Variants in SYT14 observed in about 807,000 individuals in gnomAD.
SYT14 encodes synaptotagmin-14.
SYT14 carries 32 observed loss-of-function variants against 74.2 expected under a neutral mutation model. The ratio of observed to expected loss-of-function variants is 0.43; its 90% CI spans 0.33 to 0.58. The LOEUF (loss-of-function observed/expected upper bound fraction) is 0.58, where lower values mean the gene tolerates loss of function less well. Among genes scored for constraint, SYT14 ranks in the 20% least tolerant of loss-of-function variants. The pLI is 0.05. For synonymous variants in SYT14, 298 were observed against 337.7 expected (o/e 0.88, Z 1.29); for missense variants, 791 against 981.8 (o/e 0.81, Z 2.60).
rs569592021 is a variant in SYT14 at position 210,093,087 on chromosome 1, C to T, written c.1313-1235C>T. The stretch of plus-strand genomic sequence containing the variant: ...ATGACTCTGTGGTTAGACTATTAGA[C>T]TCACTAGGTAAGACATTTAGTTTTT... On this transcript the variant is annotated intron_variant, in intron 5 of 9. Coordinates refer to ENST00000637265, the Ensembl canonical transcript of SYT14. 1.2e-4 allele frequency among the ~76,000 whole-genome samples: 19 copies of T among 152,180 alleles called. No individual in the cohort carries two copies. The South Asian group carries it at 3.9e-3, about 32-fold the overall frequency.
chr1:210,110,295 C>T (rs1300171592), intron 7 of SYT14, among the ~76,000 whole-genome samples: 1 of 152,064 alleles, frequency 6.6e-6, no homozygotes, highest in Non-Finnish European at 1.5e-5. Context: ...AAGATTGAAT[C>T]AAGGACCATT....
At chr1:210,148,440 C>T (rs778192054) in intron 7 of SYT14, among the ~76,000 whole-genome samples, 3 of 150,062 alleles carry the variant, frequency 2.0e-5, no homozygotes, top group Non-Finnish European at 4.4e-5. Flanking sequence ...ACCCGGGAGG[C>T]GGAGCTTGCG....
At chr1:210,015,864 A>G (rs2080172841) in exon 4 of SYT14, 3 of 1,222,262 alleles carry the variant, frequency 2.5e-6, no homozygotes, top group Non-Finnish European at 3.1e-6. Context: ...AGAAAGATTA[A>G]AAGCTACAAT....
intron 7 of SYT14, among the ~76,000 whole-genome samples, chr1:210,149,466 T>A (rs1437766663): frequency 6.6e-6 from 1 of 152,162 alleles, no homozygotes; most frequent in Non-Finnish European, 1.5e-5. Flanking sequence ...ATTACAGGCA[T>A]GAGCCACTGC....
chr1:210,118,444 C>T (rs921235923), intron 7 of SYT14, among the ~76,000 whole-genome samples: 3 of 151,844 alleles, frequency 2.0e-5, no homozygotes, highest in South Asian at 2.1e-4. Context: ...ACAGTGTTCC[C>T]GAGTAAGTTC....
chr1:210,024,414 G>A (rs2080366640), intron 5 of SYT14, among the ~76,000 whole-genome samples: 1 of 152,180 alleles, frequency 6.6e-6, no homozygotes, highest in South Asian at 2.1e-4. Flanking sequence ...GGAACTGAAT[G>A]TGTTTGGAAC....
At chr1:210,026,096 T>G (rs555503387) in intron 5 of SYT14, among the ~76,000 whole-genome samples, 42 of 146,262 alleles carry the variant, frequency 2.9e-4, no homozygotes, top group East Asian at 2.7e-3. Flanking sequence ...ATCTTCTGGG[T>G]TTTTTTTTGG....
rs144389732 is a variant in SYT14, at chr1:210,013,608, C to T, written c.-485-25C>T. The T allele has an allele frequency of 2.2e-5, 35 of 1,605,330 alleles. 1 individual carries two copies. In the African/African-American group the frequency reaches 4.0e-4, roughly 18 times the overall value. ...TAGCTTAAAGAAAAATAAATGCTTA[C>T]AGCTGTGACTTTTTTTTTCTCTAGT... On this transcript the variant is annotated intron_variant, in intron 2 of 9. Transcript: ENST00000637265.
At chr1:210,010,400 T>C (rs187594657) in intron 2 of SYT14, among the ~76,000 whole-genome samples, 6 of 152,256 alleles carry the variant, frequency 3.9e-5, no homozygotes, top group African/African-American at 7.2e-5. Flanking sequence ...TAAATAAATA[T>C]GACTGCCGTG....
intron 5 of SYT14, among the ~76,000 whole-genome samples, chr1:210,081,745 A>G (rs1046500351): frequency 2.6e-5 from 4 of 152,230 alleles, no homozygotes; most frequent in African/African-American, 9.6e-5. Context: ...CCTCATAAGC[A>G]TCATGAACTA....
chr1:210,063,582 A>C (rs940631999), intron 5 of SYT14, among the ~76,000 whole-genome samples: 1 of 151,784 alleles, frequency 6.6e-6, no homozygotes, highest in East Asian at 1.9e-4. Context: ...GATTACTTTT[A>C]ATGCAGATTT....
intron 2 of SYT14, among the ~76,000 whole-genome samples, chr1:209,959,895 T>G (rs549867658): frequency 3.3e-5 from 5 of 152,292 alleles, no homozygotes; most frequent in South Asian, 2.1e-4. Flanking sequence ...ATTATGCACT[T>G]TGGTGAATGT....
intron 5 of SYT14, among the ~76,000 whole-genome samples, chr1:210,075,226 C>T (rs913836630): frequency 3.3e-5 from 5 of 152,156 alleles, no homozygotes; most frequent in Non-Finnish European, 7.4e-5. Flanking sequence ...GCTGGTCTTC[C>T]GCTGGCGTGC....
exon 10 of SYT14, chr1:210,167,565 C>A (rs2083469004): frequency 6.6e-6 from 1 of 152,070 alleles, no homozygotes; most frequent in Non-Finnish European, 1.5e-5. Context: ...TTGAAGTTTT[C>A]TTTTCCCCCA....
At chr1:209,970,431 T>C (rs927820250) in intron 2 of SYT14, among the ~76,000 whole-genome samples, 2 of 152,124 alleles carry the variant, frequency 1.3e-5, no homozygotes, top group African/African-American at 4.8e-5. Context: ...TGTCTGTTTT[T>C]GTATCAGTAC....
At chr1:210,106,556 A>T (rs573433140) in intron 7 of SYT14, among the ~76,000 whole-genome samples, 8 of 152,164 alleles carry the variant, frequency 5.3e-5, no homozygotes, top group African/African-American at 1.7e-4. Context: ...CCTTCTCCAC[A>T]TGGCGGCAAC....
At chr1:210,031,452 C>T (rs1281249421) in intron 5 of SYT14, among the ~76,000 whole-genome samples, 1 of 152,060 alleles carries the variant, frequency 6.6e-6, no homozygotes, top group Non-Finnish European at 1.5e-5. Context: ...GAAATATTCA[C>T]TCTACTTCTC....
At chr1:210,168,064 C>CAGT (rs1315070437) in exon 10 of SYT14, 6 of 152,964 alleles carry the variant, frequency 3.9e-5, no homozygotes, top group East Asian at 1.9e-4. Flanking sequence ...GTTGCTGTTT[C>CAGT]GGTGGTGGTG....
At position 210,122,248 on chromosome 1, in the gene SYT14, G is replaced by A. The variant is rs2082482903; in HGVS notation, c.2034+21787G>A. Among the ~76,000 whole-genome samples, 3 of 18,768 alleles carry A rather than the reference G, an allele frequency of 1.6e-4. 1 individual carries two copies. The African/African-American group carries it at 1.9e-3, about 12-fold the overall frequency. The allele number at this position is 18,768 out of a possible 152,430, so 12.3% of individuals were successfully genotyped here. ...CCGCCTCGGCCTCCCAAAGTGCTGG[G>A]ATTACAGGCGTGAGCCACCGCGCCC... On this transcript the variant is annotated intron_variant, in intron 7 of 9. Transcript: ENST00000637265.
Sources: allele counts gnomAD v4.1 joint callset (sites outside exome capture counted in the v4.1 genomes callset), GRCh38; gene constraint gnomAD v4.1.1; transcripts MANE v1.5; gene names NCBI Gene and HGNC (gene_info 2026-07-23, HGNC 2026-07-21).